Variants in CEP131 observed in about 807,000 individuals in gnomAD.
The protein encoded by CEP131 is centrosomal protein of 131 kDa.
A neutral mutation model predicts 136.8 loss-of-function variants in CEP131; 99 were observed. That is an observed-to-expected ratio of 0.72 (90% CI 0.62 to 0.86). The LOEUF (loss-of-function observed/expected upper bound fraction) is 0.86. Among genes scored for constraint, CEP131 ranks in the 40% least tolerant of loss-of-function variants. CEP131 has a pLI of 0.00. For missense variants in CEP131, 1,459 were observed against 1,463.0 expected (o/e 1.00, Z 0.04); for synonymous variants, 646 against 612.7 (o/e 1.05, Z -0.80).
At chr17:81,209,209 C>T (rs1169790291) in intron 2 of CEP131, among the ~76,000 whole-genome samples, 187 bp from the exon 3 acceptor site, 2 of 152,126 alleles carry the variant, frequency 1.3e-5, no homozygotes, top group Non-Finnish European at 2.9e-5. Flanking sequence ...CAGGGCAGCG[C>T]GAGGGGGGCT....
At chr17:81,199,172 G>A (rs1355168405) in intron 10 of CEP131, among the ~76,000 whole-genome samples, 1 of 152,164 alleles carries the variant, frequency 6.6e-6, no homozygotes, top group African/African-American at 2.4e-5. Context: ...CTTCTACTCT[G>A]TAGGGATCCC....
At chr17:81,221,394 G>A (rs895593685) in intron 1 of CEP131, among the ~76,000 whole-genome samples, 3 of 152,086 alleles carry the variant, frequency 2.0e-5, no homozygotes, top group South Asian at 2.1e-4. Context: ...CTTTCTGAAC[G>A]GGTCTCAGCT....
Position 81,190,976 on chromosome 17 carries a change from G to C in CEP131, c.2874C>G (p.Ala958=). Residue 958 remains alanine, a synonymous_variant, in exon 23 of 26, where the codon GCC becomes GCG. Coordinates refer to ENST00000450824, the MANE Select transcript of CEP131 (RefSeq NM_014984.4). ...CSELKGQLGE[A]EGENLRLQGL... is the part of the protein sequence containing the mutation. ...CCTGCAGACGCAGATTCTCGCCCTC[G>C]GCCTCCCCAAGCTGGCCCTTCAGCT... The C allele has an allele frequency of 6.2e-7, 1 of 1,606,842 alleles. No homozygotes were observed.
In CEP131 at chr17:81,203,298, C is replaced by T. The variant is rs1315701588; in HGVS notation, c.629+196G>A. 2.0e-5 allele frequency among the ~76,000 whole-genome samples: 3 copies of T among 152,210 alleles called. No individual in the cohort carries two copies. Among genetic ancestry groups the T allele is most frequent in the East Asian group, 1.9e-4 (1 of 5,190 alleles). Reference sequence around the variant, plus strand: ...GGGAGCCCGGTTCACAGCTGCTCCACGCGGTTTTACGTGCACTGACCACGT... The same window carrying T: ...GGGAGCCCGGTTCACAGCTGCTCCATGCGGTTTTACGTGCACTGACCACGT... On this transcript the variant is annotated intron_variant, in intron 6 of 25. Coordinates refer to ENST00000450824, the MANE Select transcript of CEP131 (RefSeq NM_014984.4). This position sits in a 1 kb window ranked among gnomAD's most constrained non-coding sequence, Gnocchi z 4.6.
intron 21 of CEP131, 111 bp downstream of exon 21, chr17:81,192,207 C>T (rs533349678): frequency 3.2e-4 from 319 of 988,234 alleles, no homozygotes; most frequent in Middle Eastern, 1.3e-3. Flanking sequence ...CTCCCAGAAA[C>T]GAGCCCCCAG....
Position 81,215,222 on chromosome 17 carries a change from G to A in CEP131, c.177+4658C>T, listed in dbSNP as rs992744294. 1.3e-5 allele frequency among the ~76,000 whole-genome samples: 2 copies of A among 151,860 alleles called. No homozygotes were observed. The highest frequency in any genetic ancestry group is 4.8e-5 in the African/African-American group (2 of 41,340). The stretch of plus-strand genomic sequence containing the variant: ...CCATCCTCCTGCCCCAGCCTCCCAT[G>A]TAGCTGGGACTACAGGCATGCACCA... On this transcript the variant is annotated intron_variant, in intron 2 of 25. Coordinates refer to ENST00000450824, the MANE Select transcript of CEP131 (RefSeq NM_014984.4). The surrounding 1 kb of genome is among the most constrained non-coding windows in gnomAD (Gnocchi z 4.1).
chr17:81,194,743 G>A (rs1043811246), intron 17 of CEP131, 127 bp downstream of exon 17: 1 of 836,516 alleles, frequency 1.2e-6, no homozygotes. Flanking sequence ...GTTGGGGCAT[G>A]AGTGTTCACC....
intron 7 of CEP131, among the ~76,000 whole-genome samples, 153 bp from the exon 8 acceptor site, chr17:81,200,599 A>G (rs769588952): frequency 7.9e-5 from 12 of 152,126 alleles, no homozygotes; most frequent in Non-Finnish European, 1.5e-4. Context: ...CACCTGGACC[A>G]TTTTCACATG....
intron 6 of CEP131, among the ~76,000 whole-genome samples, chr17:81,202,892 A>T (rs2040495039): frequency 6.6e-6 from 1 of 151,892 alleles, no homozygotes; most frequent in African/African-American, 2.4e-5. Flanking sequence ...TGAACCTGGG[A>T]GGCAGAGGTT....
At chr17:81,211,397 G>A (rs1161177599) in intron 2 of CEP131, among the ~76,000 whole-genome samples, 1 of 152,244 alleles carries the variant, frequency 6.6e-6, no homozygotes, top group Non-Finnish European at 1.5e-5. Context: ...CCATCAGACA[G>A]CAAGTGCCCA....
intron 17 of CEP131, among the ~76,000 whole-genome samples, chr17:81,194,351 G>A (rs2279914): frequency 0.074 from 11,234 of 152,288 alleles, 514 homozygotes; most frequent in African/African-American, 0.12. Context: ...CAGGGCTCCT[G>A]ACACTCCTGG....
chr17:81,198,763 T>G, intron 11 of CEP131, 114 bp downstream of exon 11: 1 of 1,053,360 alleles, frequency 9.5e-7, no homozygotes. Context: ...TGAGCTTAAG[T>G]GGCCCCTAGA....
At chr17:81,190,466 C>A (rs1044308860) in intron 24 of CEP131, among the ~76,000 whole-genome samples, 173 bp downstream of exon 24, 1 of 152,204 alleles carries the variant, frequency 6.6e-6, no homozygotes, top group African/African-American at 2.4e-5. Flanking sequence ...GAAAACAGAT[C>A]TAGGTCTCCT....
At chr17:81,218,899 CCTG>C (rs1360697999) in intron 2 of CEP131, among the ~76,000 whole-genome samples, 1 of 152,238 alleles carries the variant, frequency 6.6e-6, no homozygotes, top group Admixed American at 6.5e-5. Context: ...TTCTCTCTGC[CCTG>C]CTATGTTGCC....
At chr17:81,201,729 G>C (rs987626414) in intron 7 of CEP131, among the ~76,000 whole-genome samples, 1 of 152,068 alleles carries the variant, frequency 6.6e-6, no homozygotes, top group African/African-American at 2.4e-5. Context: ...ACCAGCCTTC[G>C]ACCTCCTGTG....
At position 81,200,335 on chromosome 17, in the gene CEP131, C is replaced by T; in HGVS notation, c.900G>A (p.Lys300=). ...CTGAGACGCCCACACTGACCTCCCG[C>T]TTGGCCTGAAGCAAGTGCTCCAGGC... is the stretch of plus-strand genomic sequence containing the variant. ...AARLEHLLQA[K]REEQRQRSGE... The change falls in exon 8 of 26, where the codon AAG becomes AAA. Residue 300 remains lysine (K), a synonymous_variant. Transcript: ENST00000450824. 6.2e-7 allele frequency: 1 copy of T among 1,601,484 alleles called. No homozygotes were observed. Among genetic ancestry groups the T allele is most frequent in the Non-Finnish European group, 8.5e-7 (1 of 1,174,632 alleles).
chr17:81,196,044 T>TGGG, intron 15 of CEP131, 93 bp from the exon 16 acceptor site: 3 of 1,055,688 alleles, frequency 2.8e-6, no homozygotes, highest in Non-Finnish European at 4.2e-6. Flanking sequence ...CGAGGGAGGC[T>TGGG]AACAGCAGCC....
chr17:81,195,782 C>T, intron 16 of CEP131, 53 bp downstream of exon 16: 1 of 1,506,478 alleles, frequency 6.6e-7, no homozygotes, highest in Non-Finnish European at 9.1e-7. Context: ...GCCAGCTGAG[C>T]CTGGCCTGTG....
In CEP131 at chr17:81,192,834, C is replaced by A; in HGVS notation, c.2331G>T (p.Gln777His). ...GCGCCCACTGCTCCTGCTCCAGGTG[C>A]TGCTGGAACCTGCGGGACGGTCAGG... Reference protein sequence around the residue: ...ERERARQRFQQHLEQEQWALQ... With the variant: ...ERERARQRFQHHLEQEQWALQ... The change falls in exon 19 of 26, where the codon CAG becomes CAT. Residue 777 changes from glutamine (Q) to histidine (H), a missense_variant. Gln to His is a conservative substitution (Grantham distance 24, BLOSUM62 0). Transcript: ENST00000450824. The A allele has an allele frequency of 6.3e-7, 1 of 1,597,692 alleles. No homozygotes were observed. The highest frequency in any genetic ancestry group is 8.5e-7 in the Non-Finnish European group (1 of 1,179,198).
Sources: allele counts gnomAD v4.1 joint callset (sites outside exome capture counted in the v4.1 genomes callset), GRCh38; gene constraint gnomAD v4.1.1; non-coding constraint Gnocchi (gnomAD v3.1); transcripts MANE v1.5; gene names NCBI Gene and HGNC (gene_info 2026-07-23, HGNC 2026-07-21).